Variants in CCDC40 observed in about 807,000 individuals in gnomAD.
CCDC40 encodes the protein coiled-coil domain 40 molecular ruler complex subunit.
In CCDC40, 104 loss-of-function variants were observed where a neutral mutation model predicts 124.5. That is an observed-to-expected ratio of 0.84 (90% CI 0.71 to 0.98). The LOEUF (loss-of-function observed/expected upper bound fraction) is 0.98. Among genes scored for constraint, CCDC40 ranks in the 50% least tolerant of loss-of-function variants. The pLI, the probability that CCDC40 is intolerant of heterozygous loss-of-function variation, is 0.00. For synonymous variants in CCDC40, 580 were observed against 602.9 expected, an observed-to-expected ratio of 0.96 and a Z score of 0.56; for missense variants, 1,463 against 1,503.9, an observed-to-expected ratio of 0.97 and a Z score of 0.45.
rs2038048778 is a variant in CCDC40, at chr17:80,066,449, A to G, written c.1562+843A>G. 8.3e-6 allele frequency: 4 copies of G among 483,270 alleles called. No individual in the cohort carries two copies. The highest frequency in any genetic ancestry group is 7.0e-5 in the Admixed American group (2 of 28,470). 29.9% of individuals were successfully genotyped at this position (483,270 alleles called of 1,614,324 possible). On this transcript the variant is annotated intron_variant, in intron 10 of 19. Coordinates refer to ENST00000397545, the MANE Select transcript of CCDC40 (RefSeq NM_017950.4). The surrounding 1 kb of genome is among the most constrained non-coding windows in gnomAD (Gnocchi z 4.4). ...TAGACCAAAACATTTTCAAATGAAT[A>G]ATATTGGATTAACCATACTCATTTC... is the stretch of plus-strand genomic sequence containing the variant.
At position 80,087,733 on chromosome 17, in the gene CCDC40, A is replaced by C. The variant is rs373825810; in HGVS notation, c.2576A>C (p.Gln859Pro). The C allele has an allele frequency of 1.3e-5, 21 of 1,614,164 alleles. No individual in the cohort carries two copies. The highest frequency in any genetic ancestry group is 1.8e-5 in the Non-Finnish European group (21 of 1,179,986). The change falls in exon 15 of 20, where the codon CAG (glutamine) becomes CCG (proline). Residue 859 changes from glutamine (Q) to proline (P), a missense_variant. By Grantham distance (76) the Gln-to-Pro change is moderately conservative. Transcript: ENST00000397545. The surrounding 1 kb of genome is among the most constrained non-coding windows in gnomAD (Gnocchi z 4.5). ...CGGTGCAGCTCGGAGGAGCTGGAGC[A>C]GAACAACCGGGTGACAGAGAATGAG... ...KNRCSSEELE[Q>P]NNRVTENEFV...
intron 3 of CCDC40, among the ~76,000 whole-genome samples, chr17:80,041,763 G>A (rs1022737767): frequency 3.3e-5 from 5 of 152,098 alleles, no homozygotes; most frequent in Non-Finnish European, 5.9e-5. Context: ...GTTTCCTCAT[G>A]ATGGGGTTAG....
intron 17 of CCDC40, chr17:80,090,281 AACACGGGACGCGCGCAG>A: frequency 7.6e-7 from 1 of 1,308,672 alleles, no homozygotes; most frequent in Non-Finnish European, 1.0e-6. Context: ...GTGCACGAAC[AACACGGGACGCGCGCAG>A]GCACGTGCAC....
chr17:80,089,507 G>A, intron 16 of CCDC40: 1 of 415,848 alleles, frequency 2.4e-6, no homozygotes, highest in South Asian at 2.6e-5. Flanking sequence ...ATATATCCCT[G>A]TTCTCTCTCT....
In CCDC40 at chr17:80,099,640, G is replaced by C. The variant is rs762280471; in HGVS notation, c.3294G>C (p.Gln1098His). 2.5e-6 allele frequency: 4 copies of C among 1,613,898 alleles called. No homozygotes were observed. The highest frequency in any genetic ancestry group is 3.4e-6 in the Non-Finnish European group (4 of 1,180,030). ...AGCAGTCCCTAGTGCTGGAGCGCCAGCGCCTGGACAAGCGACTGGCTCTCA... is the reference window on the plus strand; with the variant it reads ...AGCAGTCCCTAGTGCTGGAGCGCCACCGCCTGGACAAGCGACTGGCTCTCA... ...RSKQSLVLERQRLDKRLALIA... is the reference protein window; with the variant it reads ...RSKQSLVLERHRLDKRLALIA... The change falls in exon 20 of 20, where the codon CAG (glutamine) becomes CAC (histidine). Residue 1098 changes from glutamine to histidine, a missense_variant. Gln to His is a conservative substitution (Grantham distance 24, BLOSUM62 0). Transcript: ENST00000397545.
At chr17:80,056,554 C>T (rs1019365505) in intron 7 of CCDC40, among the ~76,000 whole-genome samples, 1 of 152,082 alleles carries the variant, frequency 6.6e-6, no homozygotes, top group Non-Finnish European at 1.5e-5. Context: ...GTTGAAGCTG[C>T]GGTGAGCTAT....
In CCDC40 at chr17:80,086,294, C is replaced by T. The variant is rs759618426; in HGVS notation, c.2449+78C>T. 2.7e-5 allele frequency: 31 copies of T among 1,166,802 alleles called. No homozygotes were observed. Among genetic ancestry groups the T allele is most frequent in the Non-Finnish European group, 3.8e-5 (30 of 798,878 alleles). 72.3% of individuals were successfully genotyped at this position (1,166,802 alleles called of 1,614,324 possible). On this transcript the variant is annotated intron_variant, in intron 14 of 19. Transcript: ENST00000397545. This position sits in a 1 kb window ranked among gnomAD's most constrained non-coding sequence, Gnocchi z 5.5. ...GTGGGCACCTCCCAGGGGAGGGGCA[C>T]TCAGTGGGGCACGTCGCTGGATTTG...
chr17:80,082,197 C>G (rs1246066700), intron 12 of CCDC40, 139 bp downstream of exon 12: 4 of 604,014 alleles, frequency 6.6e-6, no homozygotes, highest in Non-Finnish European at 1.1e-5. Context: ...CCATGGTGTT[C>G]AGGTTGTAAG....
At chr17:80,059,591 G>T (rs1006912291) in intron 9 of CCDC40, among the ~76,000 whole-genome samples, 1 of 148,356 alleles carries the variant, frequency 6.7e-6, no homozygotes, top group Admixed American at 6.7e-5. Context: ...ACAGAGTCTC[G>T]CTCTGTCGCC....
chr17:80,099,543 T>C lies in CCDC40; in HGVS notation c.3197T>C (p.Val1066Ala), dbSNP rs1165486648. 3 of 1,610,568 alleles carry C rather than the reference T, an allele frequency of 1.9e-6. No homozygotes were observed. The highest frequency in any genetic ancestry group is 2.5e-6 in the Non-Finnish European group (3 of 1,180,016). The change falls in exon 20 of 20, where the codon GTG becomes GCG. Residue 1066 changes from valine to alanine, a missense_variant. By Grantham distance (64) the Val-to-Ala change is moderately conservative. Transcript: ENST00000397545. ...ALKRQNLSEI[V>A]ALQTRLKHLQ... Reference sequence around the variant, plus strand: ...CCTACCCAGAACCTTTCAGAGATCGTGGCCCTGCAGACACGCCTTAAGCAC... The same window carrying C: ...CCTACCCAGAACCTTTCAGAGATCGCGGCCCTGCAGACACGCCTTAAGCAC...
At position 80,061,094 on chromosome 17, in the gene CCDC40, C is replaced by G. The variant is rs573586612; in HGVS notation, c.1440+2114C>G. On this transcript the variant is annotated intron_variant, in intron 9 of 19. Coordinates refer to ENST00000397545, the MANE Select transcript of CCDC40 (RefSeq NM_017950.4). Reference sequence around the variant, plus strand: ...GGTAAGGTGGCTCACGCCTGTAATCCCAGCACTTTGGGAGGCCGAGGCCGC... The same window carrying G: ...GGTAAGGTGGCTCACGCCTGTAATCGCAGCACTTTGGGAGGCCGAGGCCGC... 6.6e-5 allele frequency among the ~76,000 whole-genome samples: 10 copies of G among 152,268 alleles called. No individual in the cohort carries two copies. In the East Asian group the frequency reaches 1.7e-3, roughly 26 times the overall value.
In CCDC40 at chr17:80,065,588, C is replaced by CGGTGCTGGAGGCGCTCAGGTA; in HGVS notation, c.1545_1562+3dup. The CGGTGCTGGAGGCGCTCAGGTA allele has an allele frequency of 6.2e-7, 1 of 1,612,694 alleles. No individual in the cohort carries two copies. The highest frequency in any genetic ancestry group is 8.5e-7 in the Non-Finnish European group (1 of 1,179,910). On this transcript the variant is annotated stop_gained and inframe_insertion, in exon 10 of 20. Transcript: ENST00000397545. LOFTEE classifies it high-confidence loss of function. ...AAGCACCGCGACGAGGCGCACAGGGCGGTGCTGGAGGCGCTCAGGTACTGC... is the reference window on the plus strand; with the variant it reads ...AAGCACCGCGACGAGGCGCACAGGGCGGTGCTGGAGGCGCTCAGGTAGGTGCTGGAGGCGCTCAGGTACTGC...
In CCDC40 at chr17:80,066,255, G is replaced by A. The variant is rs943148914; in HGVS notation, c.1562+649G>A. ...CCCCTTGTGCCCAGCACAGAGCCTG[G>A]CATACAGCAAGCGCTCAAGAAAGGC... On this transcript the variant is annotated intron_variant, in intron 10 of 19. Transcript: ENST00000397545. This position sits in a 1 kb window ranked among gnomAD's most constrained non-coding sequence, Gnocchi z 4.4. 1.4e-6 allele frequency: 1 copy of A among 693,590 alleles called. No homozygotes were observed. Among genetic ancestry groups the A allele is most frequent in the Non-Finnish European group, 2.6e-6 (1 of 379,722 alleles). 43.0% of individuals were successfully genotyped at this position (693,590 alleles called of 1,614,324 possible). A position where few individuals can be genotyped will look rare whatever the true frequency, so the allele number is the denominator to read the frequency against.
Position 80,095,481 on chromosome 17 carries a change from C to T in CCDC40, c.3021+30C>T, listed in dbSNP as rs960276670. The T allele has an allele frequency of 2.5e-6, 4 of 1,603,626 alleles. No homozygotes were observed. In the South Asian group the frequency reaches 3.3e-5, roughly 13 times the overall value. On this transcript the variant is annotated intron_variant, in intron 18 of 19. Coordinates refer to ENST00000397545, the MANE Select transcript of CCDC40 (RefSeq NM_017950.4). ...GGAGCAGCGGAAAGGAAACAGGGCGCCTGCTCCTCTCTCTGGGATTCAAGG... is the reference window on the plus strand; with the variant it reads ...GGAGCAGCGGAAAGGAAACAGGGCGTCTGCTCCTCTCTCTGGGATTCAAGG...
Position 80,087,941 on chromosome 17 carries a change from A to C in CCDC40, c.2620-70A>C. 1 of 1,337,754 alleles carries C rather than the reference A, an allele frequency of 7.5e-7. No homozygotes were observed. The allele number at this position is 1,337,754 out of a possible 1,614,324, so 82.9% of individuals were successfully genotyped here. A position where few individuals can be genotyped will look rare whatever the true frequency, so the allele number is the denominator to read the frequency against. On this transcript the variant is annotated intron_variant, in intron 15 of 19. Coordinates refer to ENST00000397545, the MANE Select transcript of CCDC40 (RefSeq NM_017950.4). This position sits in a 1 kb window ranked among gnomAD's most constrained non-coding sequence, Gnocchi z 4.5. Reference sequence around the variant, plus strand: ...AGCCCTGCCCTCGGTGCCGGGATAGAGGGCACCAGCCCCGGCATCCACAAT... The same window carrying C: ...AGCCCTGCCCTCGGTGCCGGGATAGCGGGCACCAGCCCCGGCATCCACAAT...
At position 80,066,424 on chromosome 17, in the gene CCDC40, T is replaced by C; in HGVS notation, c.1562+818T>C. ...AAACCATTTTGTTTTTAAAAGTTTT[T>C]AGACCAAAACATTTTCAAATGAATA... On this transcript the variant is annotated intron_variant, in intron 10 of 19. Coordinates refer to ENST00000397545, the MANE Select transcript of CCDC40 (RefSeq NM_017950.4). The surrounding 1 kb of genome is among the most constrained non-coding windows in gnomAD (Gnocchi z 4.4). The C allele has an allele frequency of 1.9e-6, 1 of 529,014 alleles. No homozygotes were observed. The highest frequency in any genetic ancestry group is 3.4e-6 in the Non-Finnish European group (1 of 296,808). 32.8% of individuals were successfully genotyped at this position (529,014 alleles called of 1,614,324 possible). A position where few individuals can be genotyped will look rare whatever the true frequency, so the allele number is the denominator to read the frequency against.
At chr17:80,090,716 TAATTA>T in intron 17 of CCDC40, 1 of 1,412,288 alleles carries the variant, frequency 7.1e-7, no homozygotes, top group Non-Finnish European at 9.2e-7. Context: ...AAAAGGCTGG[TAATTA>T]AATTGCAAGT....
intron 10 of CCDC40, among the ~76,000 whole-genome samples, chr17:80,071,949 G>A (rs920697047): frequency 7.0e-6 from 1 of 143,780 alleles, no homozygotes; most frequent in Admixed American, 7.6e-5. Flanking sequence ...TGATTCTCCT[G>A]CCTCAGCCTC....
rs1465382879 is a variant in CCDC40 at position 80,065,586 on chromosome 17, G to A, written c.1542G>A (p.Arg514=). ...VGMKHRDEAH[R]AVLEALRGCQ... ...TGAAGCACCGCGACGAGGCGCACAG[G>A]GCGGTGCTGGAGGCGCTCAGGTACT... The change falls in exon 10 of 20, where the codon AGG becomes AGA. Residue 514 remains arginine, a synonymous_variant. Transcript: ENST00000397545. 3.1e-6 allele frequency: 5 copies of A among 1,612,726 alleles called. No individual in the cohort carries two copies. Among genetic ancestry groups the A allele is most frequent in the Non-Finnish European group, 4.2e-6 (5 of 1,179,902 alleles).
Sources: allele counts gnomAD v4.1 joint callset (sites outside exome capture counted in the v4.1 genomes callset), GRCh38; gene constraint gnomAD v4.1.1; non-coding constraint Gnocchi (gnomAD v3.1); transcripts MANE v1.5; gene names NCBI Gene and HGNC (gene_info 2026-07-23, HGNC 2026-07-21).